SPAG16: variants seen among roughly 807,000 people sequenced by gnomAD.
SPAG16 encodes the protein sperm-associated antigen 16 protein.
A neutral mutation model predicts 80.4 loss-of-function variants in SPAG16; 86 were observed. That is an observed-to-expected ratio of 1.07 (90% CI 0.90 to 1.28). The LOEUF (loss-of-function observed/expected upper bound fraction) is 1.28. SPAG16 is among the 50% of genes most tolerant of loss of function. The pLI is 0.00. For missense variants in SPAG16, 870 were observed against 765.3 expected (o/e 1.14, Z -1.61); for synonymous variants, 294 against 265.9 (o/e 1.11, Z -1.03).
chr2:213,666,490 A>G (rs781045232), intron 10 of SPAG16, among the ~76,000 whole-genome samples: 1 of 152,192 alleles, frequency 6.6e-6, no homozygotes, highest in Non-Finnish European at 1.5e-5. Context: ...TGCATGTATC[A>G]TGTTGAAAAG....
chr2:213,432,474 G>T (rs556719719), intron 9 of SPAG16, among the ~76,000 whole-genome samples: 1 of 152,142 alleles, frequency 6.6e-6, no homozygotes, highest in East Asian at 1.9e-4. Flanking sequence ...ACATGTTCAT[G>T]AATTAGAAAA....
intron 13 of SPAG16, among the ~76,000 whole-genome samples, chr2:214,057,374 C>T (rs1454038378): frequency 2.0e-5 from 3 of 152,060 alleles, no homozygotes; most frequent in Non-Finnish European, 4.4e-5. Context: ...ATCAGAGCTC[C>T]TGGGTGACCT....
chr2:213,878,889 A>G (rs1216435796), intron 11 of SPAG16, among the ~76,000 whole-genome samples: 2 of 152,092 alleles, frequency 1.3e-5, no homozygotes, highest in East Asian at 3.9e-4. Flanking sequence ...TCCCAGCACC[A>G]TTTTTGAAAA....
chr2:213,667,933 C>CTATTTATTTATT (rs368610907), intron 10 of SPAG16, among the ~76,000 whole-genome samples: 11,288 of 150,556 alleles, frequency 0.075, 1,478 homozygotes, highest in African/African-American at 0.26. Flanking sequence ...AAAAATTCTA[C>CTATTTATTTATT]TATTTATTTA....
intron 9 of SPAG16, among the ~76,000 whole-genome samples, chr2:213,489,377 G>A (rs1481885314): frequency 6.6e-6 from 1 of 152,004 alleles, no homozygotes; most frequent in Non-Finnish European, 1.5e-5. Context: ...TTGGTGGAGC[G>A]GGCGGTGACC....
At chr2:213,520,823 T>G (rs2075633758) in intron 10 of SPAG16, among the ~76,000 whole-genome samples, 1 of 152,214 alleles carries the variant, frequency 6.6e-6, no homozygotes, top group African/African-American at 2.4e-5. Flanking sequence ...ACATAATTCT[T>G]GGGATCAGTC....
rs71409878 is a variant in SPAG16 at position 214,352,556 on chromosome 2, C to CTGTGTGTGTGTGTGTGTG, written c.1721-57583_1721-57582insGTGTGTGTGTGTGTGTGT. 4.9e-3 allele frequency among the ~76,000 whole-genome samples: 471 copies of CTGTGTGTGTGTGTGTGTG among 96,078 alleles called. 3 individuals carry two copies. The highest frequency in any genetic ancestry group is 6.8e-3 in the Non-Finnish European group (351 of 51,332). 63.0% of individuals were successfully genotyped at this position (96,078 alleles called of 152,430 possible). A position where few individuals can be genotyped will look rare whatever the true frequency, so the allele number is the denominator to read the frequency against. On this transcript the variant is annotated intron_variant, in intron 15 of 15. Coordinates refer to ENST00000331683, the MANE Select transcript of SPAG16 (RefSeq NM_024532.5). Reference sequence around the variant, plus strand: ...ATGCTTTTTGTCCTTGACTTTTTTTCTCTGTGTGTGTGTGTGTGTATGTGT... The same window carrying CTGTGTGTGTGTGTGTGTG: ...ATGCTTTTTGTCCTTGACTTTTTTTCTGTGTGTGTGTGTGTGTGTCTGTGTGTGTGTGTGTGTATGTGT...
At chr2:213,979,180 G>A (rs980016392) in intron 12 of SPAG16, among the ~76,000 whole-genome samples, 1 of 151,940 alleles carries the variant, frequency 6.6e-6, no homozygotes, top group African/African-American at 2.4e-5. Flanking sequence ...GGACTCCTAG[G>A]AGTCTCTTGG....
intron 13 of SPAG16, among the ~76,000 whole-genome samples, chr2:214,033,154 C>T (rs181912511): frequency 2.0e-4 from 30 of 152,124 alleles, no homozygotes; most frequent in Non-Finnish European, 3.5e-4. Context: ...ACTAATAAAC[C>T]GATAAAGTAG....
At chr2:213,913,639 GTATAT>G (rs1559581570) in intron 11 of SPAG16, among the ~76,000 whole-genome samples, 4 of 8,516 alleles carry the variant, frequency 4.7e-4, no homozygotes, top group African/African-American at 7.8e-4. Flanking sequence ...GTACATATAT[GTATAT>G]GTACATGTAC....
chr2:214,340,871 A>G (rs921999073), intron 15 of SPAG16, among the ~76,000 whole-genome samples: 4 of 152,220 alleles, frequency 2.6e-5, no homozygotes, highest in Admixed American at 1.3e-4. Flanking sequence ...ACTGGCAACC[A>G]GATAAAATCA....
intron 15 of SPAG16, among the ~76,000 whole-genome samples, chr2:214,181,137 C>T (rs2057295867): frequency 6.6e-6 from 1 of 151,552 alleles, no homozygotes; most frequent in Non-Finnish European, 1.5e-5. Flanking sequence ...ATTAAATTAG[C>T]AATAGTCAGA....
intron 7 of SPAG16, among the ~76,000 whole-genome samples, chr2:213,363,149 G>C (rs2066080502): frequency 1.3e-5 from 2 of 151,948 alleles, no homozygotes; most frequent in Admixed American, 1.3e-4. Context: ...CATTATTTGT[G>C]AAAAATGTAT....
chr2:214,174,459 A>C (rs996728338), intron 15 of SPAG16, among the ~76,000 whole-genome samples: 3 of 152,022 alleles, frequency 2.0e-5, no homozygotes, highest in East Asian at 3.9e-4. Context: ...AAGCCAAATC[A>C]TGAGTGAACT....
intron 10 of SPAG16, among the ~76,000 whole-genome samples, chr2:213,613,630 A>G (rs985878239): frequency 2.0e-5 from 3 of 152,136 alleles, no homozygotes; most frequent in Admixed American, 6.5e-5. Context: ...GACACCTCCT[A>G]TCTACATTTT....
chr2:213,717,966 A>G (rs1338703044), intron 10 of SPAG16, among the ~76,000 whole-genome samples: 1 of 152,150 alleles, frequency 6.6e-6, no homozygotes, highest in Non-Finnish European at 1.5e-5. Flanking sequence ...AAACACGAAA[A>G]GCAATGGCAA....
chr2:213,429,323 C>A (rs965770528), intron 9 of SPAG16, among the ~76,000 whole-genome samples: 2 of 152,084 alleles, frequency 1.3e-5, no homozygotes, highest in Non-Finnish European at 2.9e-5. Flanking sequence ...TGCAGAATTT[C>A]CCTGTTGCCC....
rs146864600 is a variant in SPAG16 at position 213,690,414 on chromosome 2, G to A, written c.1071-172071G>A. Among the ~76,000 whole-genome samples, 26 of 152,352 alleles carry A rather than the reference G, an allele frequency of 1.7e-4. No homozygotes were observed. The East Asian group carries it at 5.0e-3, about 29-fold the overall frequency. On this transcript the variant is annotated intron_variant, in intron 10 of 15. Coordinates refer to ENST00000331683, the MANE Select transcript of SPAG16 (RefSeq NM_024532.5). ...TCCAGAGGCAGAAGGGCAAGAGAGA[G>A]ACACTCCCTCTATCCACTGCTTTGA...
chr2:213,560,224 A>G (rs2059560683), intron 10 of SPAG16, among the ~76,000 whole-genome samples: 1 of 152,142 alleles, frequency 6.6e-6, no homozygotes, highest in Non-Finnish European at 1.5e-5. Context: ...ATTCTAGGGC[A>G]TAATAAAGTA....
Sources: allele counts gnomAD v4.1 joint callset (sites outside exome capture counted in the v4.1 genomes callset), GRCh38; gene constraint gnomAD v4.1.1; transcripts MANE v1.5; gene names NCBI Gene and HGNC (gene_info 2026-07-23, HGNC 2026-07-21).